Variants in MAF observed in about 807,000 individuals in gnomAD.
MAF encodes the protein MAF bZIP transcription factor.
MAF carries 10 observed loss-of-function variants against 22.0 expected under a neutral mutation model. The ratio of observed to expected loss-of-function variants is 0.45; its 90% CI spans 0.28 to 0.77. MAF has a LOEUF of 0.77. Among genes scored for constraint, MAF ranks in the 30% least tolerant of loss-of-function variants. The pLI, the probability that MAF is intolerant of heterozygous loss-of-function variation, is 0.12. For synonymous variants in MAF, 337 were observed against 255.8 expected (o/e 1.32, Z -3.03); for missense variants, 544 against 548.4 (o/e 0.99, Z 0.08).
At chr16:79,272,749 A>G in the MAF span, among the ~76,000 whole-genome samples, 1 of 152,044 alleles carries the variant, frequency 6.6e-6, no homozygotes, top group Non-Finnish European at 1.5e-5. Flanking sequence ...AAACATCTCA[A>G]CACAACTTCT....
the MAF span, among the ~76,000 whole-genome samples, chr16:79,411,662 GCCAACT>G: frequency 9.4e-3 from 1,433 of 152,266 alleles, 20 homozygotes; most frequent in African/African-American, 0.033. Flanking sequence ...CAGACATCTG[GCCAACT>G]CCAACTACTA....
At chr16:79,425,189 A>C in the MAF span, among the ~76,000 whole-genome samples, 2 of 152,206 alleles carry the variant, frequency 1.3e-5, no homozygotes, top group Non-Finnish European at 2.9e-5. Context: ...ATATCTATTT[A>C]TATGATCTCT....
the MAF span, among the ~76,000 whole-genome samples, chr16:79,291,467 C>A: frequency 1.3e-5 from 2 of 152,056 alleles, no homozygotes; most frequent in Admixed American, 1.3e-4. Flanking sequence ...CGGGTAGTGG[C>A]TTCCTGAATT....
At chr16:79,349,925 G>A in the MAF span, among the ~76,000 whole-genome samples, 12 of 152,106 alleles carry the variant, frequency 7.9e-5, no homozygotes, top group African/African-American at 1.4e-4. Flanking sequence ...ACTTTTCATC[G>A]TTTTCCAAAA....
chr16:79,352,660 G>C, the MAF span, among the ~76,000 whole-genome samples: 2 of 152,198 alleles, frequency 1.3e-5, no homozygotes, highest in Non-Finnish European at 2.9e-5. Flanking sequence ...AGTAGAGGCA[G>C]ATAGAACCCA....
the MAF span, among the ~76,000 whole-genome samples, chr16:79,540,896 G>A: frequency 6.6e-6 from 1 of 151,786 alleles, no homozygotes; most frequent in Admixed American, 6.6e-5. Flanking sequence ...ACTCTTTACT[G>A]CTACTACTGT....
At chr16:79,240,391 A>G in the MAF span, among the ~76,000 whole-genome samples, 2 of 149,538 alleles carry the variant, frequency 1.3e-5, no homozygotes, top group Non-Finnish European at 3.0e-5. Flanking sequence ...CAACACTTCA[A>G]CTACCCCTTC....
the MAF span, among the ~76,000 whole-genome samples, chr16:79,341,470 A>C: frequency 6.6e-6 from 1 of 152,118 alleles, no homozygotes; most frequent in Admixed American, 6.5e-5. Context: ...ATCTCTTCTC[A>C]ACTCACACCT....
chr16:79,405,331 C>T, the MAF span, among the ~76,000 whole-genome samples: 1 of 152,156 alleles, frequency 6.6e-6, no homozygotes, highest in Non-Finnish European at 1.5e-5. Context: ...TGAAGAAATT[C>T]ACTGACCTGA....
At chr16:79,598,467 A>AC (rs1913713228) in intron 1 of MAF, 1 of 1,300,726 alleles carries the variant, frequency 7.7e-7, no homozygotes, top group African/African-American at 1.5e-5. Flanking sequence ...AAAAAAAAAA[A>AC]AAAACAAGCT....
At chr16:79,508,911 G>T in the MAF span, among the ~76,000 whole-genome samples, 8 of 152,274 alleles carry the variant, frequency 5.3e-5, no homozygotes, top group East Asian at 1.5e-3. Context: ...CCTTTGGAAT[G>T]GGGGGAAATG....
At chr16:79,300,867 C>T in the MAF span, among the ~76,000 whole-genome samples, 3 of 151,908 alleles carry the variant, frequency 2.0e-5, no homozygotes, top group Admixed American at 6.6e-5. Context: ...TAAAAATTTA[C>T]TACAAAGTAA....
chr16:79,447,910 G>GA, the MAF span, among the ~76,000 whole-genome samples: 1 of 50,544 alleles, frequency 2.0e-5, no homozygotes, highest in African/African-American at 6.8e-5. Context: ...AAAAAAAAAA[G>GA]AAAAGAAAAA....
At chr16:79,458,440 T>C in the MAF span, among the ~76,000 whole-genome samples, 2 of 152,156 alleles carry the variant, frequency 1.3e-5, no homozygotes, top group Non-Finnish European at 2.9e-5. Context: ...TGAGGAGTCA[T>C]TTTTATATGT....
At chr16:79,551,657 G>A in the MAF span, among the ~76,000 whole-genome samples, 1 of 152,118 alleles carries the variant, frequency 6.6e-6, no homozygotes, top group Non-Finnish European at 1.5e-5. Context: ...TGCAGCCCAG[G>A]AGCTCAAAAT....
the MAF span, among the ~76,000 whole-genome samples, chr16:79,484,162 T>G: frequency 1.3e-5 from 2 of 152,142 alleles, no homozygotes; most frequent in Non-Finnish European, 2.9e-5. Context: ...TGCACAGAGT[T>G]AAGGGACCTG....
chr16:79,286,677 T>TCACATAGATA, the MAF span, among the ~76,000 whole-genome samples: 1 of 152,168 alleles, frequency 6.6e-6, no homozygotes, highest in Non-Finnish European at 1.5e-5. Context: ...CAGAACTTGC[T>TCACATAGATA]CAGAGCTACC....
At chr16:79,514,817 G>A in the MAF span, among the ~76,000 whole-genome samples, 5 of 152,200 alleles carry the variant, frequency 3.3e-5, no homozygotes, top group East Asian at 9.6e-4. Flanking sequence ...CGGCTTGGAA[G>A]CCAGATAAAA....
At chr16:79,338,354 G>C in the MAF span, among the ~76,000 whole-genome samples, 1 of 152,104 alleles carries the variant, frequency 6.6e-6, no homozygotes, top group South Asian at 2.1e-4. Flanking sequence ...AAGTGATGGG[G>C]AGATATCAAG....
Sources: allele counts gnomAD v4.1 joint callset (sites outside exome capture counted in the v4.1 genomes callset), GRCh38; gene constraint gnomAD v4.1.1; transcripts MANE v1.5; gene names NCBI Gene and HGNC (gene_info 2026-07-23, HGNC 2026-07-21).